Variants in CLPTM1L observed in about 807,000 individuals in gnomAD.
The protein encoded by CLPTM1L is CLPTM1 like, also known as lipid scramblase CLPTM1L.
Under a neutral mutation model 70.9 loss-of-function variants are expected in CLPTM1L, and 38 were observed. The observed-to-expected ratio is 0.54, with a 90% CI of 0.41 to 0.70. The LOEUF (loss-of-function observed/expected upper bound fraction) is 0.70. CLPTM1L is among the 30% of genes least tolerant of loss of function. CLPTM1L has a pLI of 0.00. For missense variants in CLPTM1L, 652 were observed against 705.9 expected, an observed-to-expected ratio of 0.92 and a Z score of 0.87; for synonymous variants, 339 against 299.9, an observed-to-expected ratio of 1.13 and a Z score of -1.35.
chr5:1,341,605 GAGAA>G, intron 3 of CLPTM1L, 62 bp downstream of exon 3: 2 of 1,401,080 alleles, frequency 1.4e-6, no homozygotes, highest in Middle Eastern at 1.9e-4. Flanking sequence ...CACCTGTGTG[GAGAA>G]AGACATGTCC....
At chr5:1,341,520 G>C (rs367772149) in intron 3 of CLPTM1L, 151 bp downstream of exon 3, 24 of 586,892 alleles carry the variant, frequency 4.1e-5, no homozygotes, top group Non-Finnish European at 6.1e-5. Flanking sequence ...CTGAAAGTCA[G>C]AAATGCACGC....
intron 7 of CLPTM1L, among the ~76,000 whole-genome samples, chr5:1,333,602 G>A (rs1579642432): frequency 2.7e-5 from 4 of 147,616 alleles, no homozygotes; most frequent in African/African-American, 1.0e-4. Flanking sequence ...ACGGGATGAG[G>A]ATGAGGGACT....
intron 13 of CLPTM1L, 135 bp downstream of exon 13, chr5:1,322,742 T>C (rs1752231937): frequency 1.1e-6 from 1 of 885,948 alleles, no homozygotes; most frequent in African/African-American, 1.7e-5. Context: ...GCACCGCACA[T>C]GTGCCAGAAC....
intron 11 of CLPTM1L, 108 bp downstream of exon 11, chr5:1,324,655 C>T (rs1480956280): frequency 1.4e-5 from 16 of 1,110,680 alleles, no homozygotes; most frequent in Non-Finnish European, 2.1e-5. Context: ...GGCGGGCTGA[C>T]CCGTACTCCA....
At position 1,321,744 on chromosome 5, in the gene CLPTM1L, G is replaced by A; in HGVS notation, c.1371+20C>T. 6.2e-7 allele frequency: 1 copy of A among 1,613,956 alleles called. No individual in the cohort carries two copies. The highest frequency in any genetic ancestry group is 8.5e-7 in the Non-Finnish European group (1 of 1,179,934). ...CACAGGAGACGGGGGCCGGGCCGCG[G>A]GCAGCACACACCGCCTTACCTTGTA... On this transcript the variant is annotated intron_variant, in intron 14 of 16. Coordinates refer to ENST00000320895, the MANE Select transcript of CLPTM1L (RefSeq NM_030782.5).
At chr5:1,326,011 G>GT (rs893097360) in intron 9 of CLPTM1L, 195 bp from the exon 10 acceptor site, 1 of 574,076 alleles carries the variant, frequency 1.7e-6, no homozygotes, top group African/African-American at 1.9e-5. Context: ...CACGGCAGGC[G>GT]TACCTGGTCA....
chr5:1,344,615 G>T, intron 1 of CLPTM1L, 65 bp downstream of exon 1: 6 of 1,513,286 alleles, frequency 4.0e-6, no homozygotes, highest in Non-Finnish European at 2.7e-6. Flanking sequence ...GGAAGGCGAC[G>T]TCTGGGGCCT....
At chr5:1,344,642 C>T (rs1373903378) in intron 1 of CLPTM1L, 38 bp downstream of exon 1, 17 of 1,540,844 alleles carry the variant, frequency 1.1e-5, no homozygotes, top group Non-Finnish European at 1.3e-5. Context: ...GAGGCCCCCA[C>T]CCCAACCCGC....
intron 5 of CLPTM1L, among the ~76,000 whole-genome samples, chr5:1,335,468 A>G (rs1464814540): frequency 1.3e-5 from 2 of 152,164 alleles, no homozygotes; most frequent in Admixed American, 6.5e-5. Context: ...TTTAAGCCGC[A>G]CAAGTCCTGG....
Position 1,344,979 on chromosome 5 carries a change from C to G in CLPTM1L, c.-138G>C. 1 of 349,786 alleles carries G rather than the reference C, an allele frequency of 2.9e-6. No homozygotes were observed. The highest frequency in any genetic ancestry group is 4.0e-6 in the Non-Finnish European group (1 of 250,604). 21.7% of individuals were successfully genotyped at this position (349,786 alleles called of 1,614,324 possible). ...CGCCACCGCCACCGCCGCGGGGGAA[C>G]GAATGCGCCGCGCGCCGCAGACCGC... On this transcript the variant is annotated 5_prime_UTR_variant, in exon 1 of 17. Coordinates refer to ENST00000320895, the MANE Select transcript of CLPTM1L (RefSeq NM_030782.5).
intron 6 of CLPTM1L, among the ~76,000 whole-genome samples, 183 bp downstream of exon 6, chr5:1,334,874 C>T (rs535649920): frequency 6.6e-6 from 1 of 152,266 alleles, no homozygotes. Context: ...AATTTCCAGA[C>T]AATCAACCAG....
chr5:1,320,746 G>A lies in CLPTM1L; in HGVS notation c.1417-15C>T, dbSNP rs764864858. 90 of 1,458,126 alleles carry A rather than the reference G, an allele frequency of 6.2e-5. No individual in the cohort carries two copies. Among genetic ancestry groups the A allele is most frequent in the African/African-American group, 8.5e-5 (6 of 70,664 alleles). 90.3% of individuals were successfully genotyped at this position (1,458,126 alleles called of 1,614,324 possible). A position where few individuals can be genotyped will look rare whatever the true frequency, so the allele number is the denominator to read the frequency against. On this transcript the variant is annotated splice_polypyrimidine_tract_variant and intron_variant, in intron 15 of 16. Transcript: ENST00000320895. ...GTGTTGAAAGCCTGCAGGGCCAGAC[G>A]GGAGGAGGGTGAACCCCAGTTGCTG...
At position 1,318,955 on chromosome 5, in the gene CLPTM1L, C is replaced by A. The variant is rs572159955; in HGVS notation, c.1533-502G>T. On this transcript the variant is annotated intron_variant, in intron 16 of 16. Transcript: ENST00000320895. This position sits in a 1 kb window ranked among gnomAD's most constrained non-coding sequence, Gnocchi z 8.9. ...GGCATAAGGGGCAGCTCTACACGGC[C>A]GCGAACAGAAGTACAGGGTTTCAGC... Among the ~76,000 whole-genome samples, 2 of 152,316 alleles carry A rather than the reference C, an allele frequency of 1.3e-5. No individual in the cohort carries two copies. Among genetic ancestry groups the A allele is most frequent in the East Asian group, 3.9e-4 (2 of 5,186 alleles).
intron 6 of CLPTM1L, 109 bp from the exon 7 acceptor site, chr5:1,334,492 G>A: frequency 1.4e-6 from 1 of 715,830 alleles, no homozygotes; most frequent in Non-Finnish European, 2.4e-6. Context: ...AGTGGCTCAT[G>A]CCTGTAAACC....
chr5:1,330,401 G>A lies in CLPTM1L; in HGVS notation c.977-18C>T, dbSNP rs143051132. 8,899 of 1,604,262 alleles carry A rather than the reference G, an allele frequency of 5.5e-3. 37 individuals carry two copies. The highest frequency in any genetic ancestry group is 6.6e-3 in the Non-Finnish European group (7,737 of 1,172,280). On this transcript the variant is annotated intron_variant, in intron 8 of 16. Transcript: ENST00000320895. ...CCAGAGCACTGGGGACAGGATGGTC[G>A]GGCTGGGAGGGGGTGCAGGGCAGAC...
intron 5 of CLPTM1L, among the ~76,000 whole-genome samples, 171 bp downstream of exon 5, chr5:1,337,733 C>G (rs1249383796): frequency 6.6e-6 from 1 of 152,196 alleles, no homozygotes; most frequent in African/African-American, 2.4e-5. Context: ...ACCACCAGGG[C>G]CCCCCTGTCA....
At chr5:1,344,584 C>T (rs1754157356) in intron 1 of CLPTM1L, 96 bp downstream of exon 1, 2 of 1,472,518 alleles carry the variant, frequency 1.4e-6, no homozygotes, top group African/African-American at 1.4e-5. Context: ...ACTCGCGCGG[C>T]CACAGCTCCG....
At chr5:1,344,028 A>T (rs756706008) in intron 2 of CLPTM1L, among the ~76,000 whole-genome samples, 1 of 152,244 alleles carries the variant, frequency 6.6e-6, no homozygotes, top group Non-Finnish European at 1.5e-5. Context: ...GGTCCCCGGT[A>T]GTGAAACTGC....
At chr5:1,337,436 C>T (rs1337138080) in intron 5 of CLPTM1L, among the ~76,000 whole-genome samples, 1 of 152,258 alleles carries the variant, frequency 6.6e-6, no homozygotes, top group East Asian at 1.9e-4. Context: ...TGCCAGGGGC[C>T]ACCCCGGGGG....
Sources: allele counts gnomAD v4.1 joint callset (sites outside exome capture counted in the v4.1 genomes callset), GRCh38; gene constraint gnomAD v4.1.1; non-coding constraint Gnocchi (gnomAD v3.1); transcripts MANE v1.5; gene names NCBI Gene and HGNC (gene_info 2026-07-23, HGNC 2026-07-21).